RIMBP2: variants seen among roughly 807,000 people sequenced by gnomAD.
The protein encoded by RIMBP2 is RIMS binding protein 2.
A neutral mutation model predicts 118.6 loss-of-function variants in RIMBP2; 48 were observed. That is an observed-to-expected ratio of 0.40 (90% CI 0.32 to 0.51). The LOEUF (loss-of-function observed/expected upper bound fraction) is 0.51. Ranked by LOEUF, RIMBP2 falls within the 20% of genes least tolerant of loss-of-function variation. The probability of loss-of-function intolerance (pLI) is 0.41; values close to 1 mark genes in which losing one functional copy is unlikely to be tolerated. For missense variants in RIMBP2, 1,551 were observed against 1,768.3 expected (o/e 0.88, Z 2.20); for synonymous variants, 762 against 742.9 (o/e 1.03, Z -0.42).
chr12:130,574,618 C>T (rs1299484225), intron 2 of RIMBP2, among the ~76,000 whole-genome samples: 2 of 152,150 alleles, frequency 1.3e-5, no homozygotes, highest in African/African-American at 4.8e-5. Context: ...CTCACAAGCT[C>T]CAGCCATCTG....
chr12:130,471,398 G>C (rs1042299464), intron 5 of RIMBP2, among the ~76,000 whole-genome samples: 1 of 152,178 alleles, frequency 6.6e-6, no homozygotes, highest in South Asian at 2.1e-4. Flanking sequence ...GTTATTTCTT[G>C]TCCTCACAGG....
intron 7 of RIMBP2, among the ~76,000 whole-genome samples, chr12:130,455,788 A>C (rs2079386558): frequency 1.3e-5 from 2 of 152,074 alleles, no homozygotes; most frequent in African/African-American, 2.4e-5. Flanking sequence ...CTTCTTAAAC[A>C]GGTGGGCAGA....
At chr12:130,490,498 T>G (rs28524932) in intron 4 of RIMBP2, among the ~76,000 whole-genome samples, 1,939 of 152,296 alleles carry the variant, frequency 0.013, 41 homozygotes, top group African/African-American at 0.043. Flanking sequence ...CCCGGGCTGA[T>G]AGCTACTTTA....
rs201279756 is a variant in RIMBP2 at position 130,441,405 on chromosome 12, A to AATAATAATCATAATC, written c.1504+442_1504+443insGATTATGATTATTAT. ...GACAGAGCGAGACTCCATCTCAAAT[A>AATAATAATCATAATC]ATAATAATAATAATAATAATAATAA... On this transcript the variant is annotated intron_variant, in intron 11 of 22. Transcript: ENST00000690449. Among the ~76,000 whole-genome samples the AATAATAATCATAATC allele has an allele frequency of 5.6e-4, 29 of 51,914 alleles. 1 individual carries two copies. The highest frequency in any genetic ancestry group is 3.7e-3 in the East Asian group (11 of 3,010). The allele number at this position is 51,914 out of a possible 152,430, so 34.1% of individuals were successfully genotyped here. A position where few individuals can be genotyped will look rare whatever the true frequency, so the allele number is the denominator to read the frequency against.
At chr12:130,520,957 T>C (rs2052040966) in intron 2 of RIMBP2, among the ~76,000 whole-genome samples, 1 of 152,212 alleles carries the variant, frequency 6.6e-6, no homozygotes, top group African/African-American at 2.4e-5. Context: ...GAGGTGGGCA[T>C]GGGGACGTGT....
chr12:130,545,784 G>A (rs1312225824), intron 2 of RIMBP2, among the ~76,000 whole-genome samples: 1 of 152,196 alleles, frequency 6.6e-6, no homozygotes, highest in East Asian at 1.9e-4. Flanking sequence ...AGCCATCACT[G>A]CTGCCTCTAC....
chr12:130,640,966 C>T (rs563581505), intron 1 of RIMBP2, among the ~76,000 whole-genome samples: 24 of 152,224 alleles, frequency 1.6e-4, no homozygotes, highest in Non-Finnish European at 2.6e-4. Flanking sequence ...CGCCATCAAC[C>T]AAAGAAAGGG....
At chr12:130,520,056 A>G (rs2051913981) in intron 2 of RIMBP2, among the ~76,000 whole-genome samples, 2 of 152,212 alleles carry the variant, frequency 1.3e-5, no homozygotes, top group Admixed American at 1.3e-4. Flanking sequence ...CTCTCTCTGC[A>G]TCGCATTTAG....
chr12:130,434,191 T>C lies in RIMBP2; in HGVS notation c.2253+543A>G, dbSNP rs1481249535. ...TCCAGTCCCTCCTGTTGTCCAAGTT[T>C]TGTTCTTTACAGCATCTGAGGGCAT... On this transcript the variant is annotated intron_variant, in intron 14 of 22. Coordinates refer to ENST00000690449, the MANE Select transcript of RIMBP2 (RefSeq NM_001393629.1). This position sits in a 1 kb window ranked among gnomAD's most constrained non-coding sequence, Gnocchi z 5.7. Among the ~76,000 whole-genome samples, 1 of 152,194 alleles carries C rather than the reference T, an allele frequency of 6.6e-6. No individual in the cohort carries two copies. The highest frequency in any genetic ancestry group is 2.4e-5 in the African/African-American group (1 of 41,466).
intron 1 of RIMBP2, among the ~76,000 whole-genome samples, chr12:130,682,555 A>G (rs1394284703): frequency 6.6e-6 from 1 of 152,288 alleles, no homozygotes; most frequent in Non-Finnish European, 1.5e-5. Flanking sequence ...AAAAGTTGTC[A>G]CTGCTGAATG....
chr12:130,546,097 C>CTT (rs56407634), intron 2 of RIMBP2, among the ~76,000 whole-genome samples: 48,230 of 103,434 alleles, frequency 0.47, 11,302 homozygotes, highest in Non-Finnish European at 0.53. Context: ...ATCACTGCTT[C>CTT]TTTTTTTTTT....
intron 6 of RIMBP2, chr12:130,466,123 A>G (rs535935781): frequency 6.6e-6 from 1 of 152,242 alleles, no homozygotes; most frequent in South Asian, 2.1e-4. Context: ...TGTCTCTCCT[A>G]TGCACTCTCA....
rs2065246693 is a variant in RIMBP2 at position 130,690,130 on chromosome 12, T to TCTG, written c.-352+26089_-352+26091dup. ...GGGCGGGTCAAGTCCTCCTCCTGCC[T>TCTG]CTGCTCCCTCTACCTCTCCCTTCTG... On this transcript the variant is annotated intron_variant, in intron 1 of 22. Transcript: ENST00000690449. 2.0e-5 allele frequency among the ~76,000 whole-genome samples: 3 copies of TCTG among 152,192 alleles called. No homozygotes were observed. In the South Asian group the frequency reaches 6.2e-4, roughly 32 times the overall value.
chr12:130,435,320 A>G (rs1489023026), intron 13 of RIMBP2, among the ~76,000 whole-genome samples: 1 of 152,204 alleles, frequency 6.6e-6, no homozygotes, highest in African/African-American at 2.4e-5. Context: ...CTGGGATTAC[A>G]GGCATGAGCC....
Position 130,412,687 on chromosome 12 carries a change from T to C in RIMBP2, c.3521A>G (p.Asp1174Gly). The C allele has an allele frequency of 6.2e-7, 1 of 1,613,806 alleles. No homozygotes were observed. The highest frequency in any genetic ancestry group is 8.5e-7 in the Non-Finnish European group (1 of 1,179,950). Residue 1174 changes from aspartate (D) to glycine (G), a missense_variant, in exon 19 of 23, where the codon GAT (aspartate) becomes GGT (glycine). Asp to Gly is a moderately conservative substitution (Grantham distance 94). Coordinates refer to ENST00000690449, the MANE Select transcript of RIMBP2 (RefSeq NM_001393629.1). Reference sequence around the variant, plus strand: ...AAGAAGCTGATCCATCATCTCCTCATCATCTGCTTGTATCTCAGAGACCAT... The same window carrying C: ...AAGAAGCTGATCCATCATCTCCTCACCATCTGCTTGTATCTCAGAGACCAT... ...CNMVSEIQAD[D>G]EEMMDQLLRQ...
chr12:130,656,815 G>A (rs966628858), intron 1 of RIMBP2, among the ~76,000 whole-genome samples: 1 of 147,760 alleles, frequency 6.8e-6, no homozygotes, highest in African/African-American at 2.7e-5. Context: ...AGGCTGAGGT[G>A]GCAGGATGGT....
rs923992687 is a variant in RIMBP2, at chr12:130,446,202, T to C, written c.582-933A>G. Among the ~76,000 whole-genome samples the C allele has an allele frequency of 2.6e-5, 4 of 152,272 alleles. No homozygotes were observed. The East Asian group carries it at 7.7e-4, about 29-fold the overall frequency. On this transcript the variant is annotated intron_variant, in intron 9 of 22. Coordinates refer to ENST00000690449, the MANE Select transcript of RIMBP2 (RefSeq NM_001393629.1). This position sits in a 1 kb window ranked among gnomAD's most constrained non-coding sequence, Gnocchi z 4.1. ...ACTTAAAATAACAGCGAAGAACTCA[T>C]TAAAAAATGAAAATAACATTAGAGT... is the stretch of plus-strand genomic sequence containing the variant.
intron 14 of RIMBP2, chr12:130,429,744 T>G (rs998799493): frequency 1.4e-4 from 22 of 152,124 alleles, no homozygotes; most frequent in African/African-American, 5.3e-4. Flanking sequence ...TGCGTGGGGC[T>G]GCGGGCGGAA....
Position 130,469,411 on chromosome 12 carries a change from C to A in RIMBP2, c.153+1282G>T, listed in dbSNP as rs1593418406. 6.6e-6 allele frequency among the ~76,000 whole-genome samples: 1 copy of A among 152,118 alleles called. No homozygotes were observed. The highest frequency in any genetic ancestry group is 1.5e-5 in the Non-Finnish European group (1 of 68,032). ...GTCATGTCAATGGGCTCCGGGGCAA[C>A]TGGGGAGAGGCAACTACCTTTTCTG... On this transcript the variant is annotated intron_variant, in intron 6 of 22. Coordinates refer to ENST00000690449, the MANE Select transcript of RIMBP2 (RefSeq NM_001393629.1). The surrounding 1 kb of genome is among the most constrained non-coding windows in gnomAD (Gnocchi z 4.8).
Sources: gnomAD v4.1 joint callset for allele counts (sites outside exome capture counted in the v4.1 genomes callset) on GRCh38, gnomAD v4.1.1 for gene constraint, Gnocchi (gnomAD v3.1) non-coding constraint, MANE v1.5 for transcripts, NCBI Gene and HGNC (gene_info 2026-07-23, HGNC 2026-07-21) for gene names.